VWC2L: variants seen among roughly 807,000 people sequenced by gnomAD.
The protein encoded by VWC2L is von Willebrand factor C domain containing 2 like.
Under a neutral mutation model 21.6 loss-of-function variants are expected in VWC2L, and 10 were observed. That is an observed-to-expected ratio of 0.46 (90% CI 0.29 to 0.78). The LOEUF (loss-of-function observed/expected upper bound fraction) is 0.78, where lower values mean the gene tolerates loss of function less well. VWC2L is among the 30% of genes least tolerant of loss of function. The pLI is 0.10. For missense variants in VWC2L, 209 were observed against 277.1 expected (o/e 0.75, Z 1.74); for synonymous variants, 96 against 94.3 (o/e 1.02, Z -0.10).
At chr2:214,562,426 C>T (rs1322500361) in intron 3 of VWC2L, among the ~76,000 whole-genome samples, 1 of 152,166 alleles carries the variant, frequency 6.6e-6, no homozygotes, top group Non-Finnish European at 1.5e-5. Flanking sequence ...CCTATCTTTG[C>T]TATCGTGAAT....
intron 3 of VWC2L, among the ~76,000 whole-genome samples, chr2:214,503,659 T>C (rs1206690074): frequency 6.6e-6 from 1 of 152,000 alleles, no homozygotes; most frequent in Non-Finnish European, 1.5e-5. Context: ...TCTGCATTTT[T>C]GCTGAGCAAT....
chr2:214,427,968 G>A (rs561313134), intron 2 of VWC2L, among the ~76,000 whole-genome samples: 162 of 152,188 alleles, frequency 1.1e-3, no homozygotes, highest in African/African-American at 3.7e-3. Context: ...TGAAACCCAC[G>A]GATATGAAGG....
Position 214,575,851 on chromosome 2 carries a change from G to T in VWC2L, c.*31G>T, listed in dbSNP as rs750095168. 8 of 1,597,308 alleles carry T rather than the reference G, an allele frequency of 5.0e-6. No homozygotes were observed. Among genetic ancestry groups the T allele is most frequent in the South Asian group, 1.1e-5 (1 of 89,772 alleles). On this transcript the variant is annotated 3_prime_UTR_variant, in exon 4 of 4. Coordinates refer to ENST00000312504, the MANE Select transcript of VWC2L (RefSeq NM_001080500.4). ...ACTTCCACCCAATGATGAGTTCTTA[G>T]GAAAGGATGCTATGGCTTCAACACT... is the stretch of plus-strand genomic sequence containing the variant.
At chr2:214,513,873 C>G (rs1481605920) in intron 3 of VWC2L, among the ~76,000 whole-genome samples, 1 of 152,100 alleles carries the variant, frequency 6.6e-6, no homozygotes, top group African/African-American at 2.4e-5. Context: ...ATGAAGTCTT[C>G]CCTTCAATAT....
intron 3 of VWC2L, among the ~76,000 whole-genome samples, chr2:214,527,112 C>A (rs1239197173): frequency 1.3e-5 from 2 of 152,004 alleles, no homozygotes; most frequent in Non-Finnish European, 2.9e-5. Context: ...ATGAATGCAG[C>A]GAAGGCCATT....
intron 3 of VWC2L, among the ~76,000 whole-genome samples, chr2:214,487,502 A>G (rs894971548): frequency 6.6e-6 from 1 of 152,206 alleles, no homozygotes; most frequent in African/African-American, 2.4e-5. Context: ...GGCATGCCCA[A>G]TGTGCCATGG....
At chr2:214,441,314 T>C (rs1466033923) in intron 3 of VWC2L, among the ~76,000 whole-genome samples, 1 of 151,268 alleles carries the variant, frequency 6.6e-6, no homozygotes, top group East Asian at 1.9e-4. Flanking sequence ...TTAAAATAAA[T>C]AAGAAAGGAA....
At chr2:214,528,777 G>T (rs779898970) in intron 3 of VWC2L, among the ~76,000 whole-genome samples, 10 of 152,102 alleles carry the variant, frequency 6.6e-5, no homozygotes, top group Non-Finnish European at 1.2e-4. Flanking sequence ...CAAAAGAAAG[G>T]AAACTGCAGA....
intron 3 of VWC2L, among the ~76,000 whole-genome samples, chr2:214,527,040 G>A (rs953046465): frequency 5.9e-5 from 9 of 151,984 alleles, no homozygotes; most frequent in Admixed American, 2.0e-4. Context: ...AATATGGCAC[G>A]TATACACCAT....
intron 3 of VWC2L, among the ~76,000 whole-genome samples, chr2:214,542,976 G>A (rs1161494879): frequency 1.3e-5 from 2 of 152,048 alleles, no homozygotes; most frequent in Non-Finnish European, 2.9e-5. Context: ...CAACAACTAT[G>A]AGAACAGTTT....
At position 214,438,878 on chromosome 2, in the gene VWC2L, G is replaced by A. The variant is rs550078909; in HGVS notation, c.520+2120G>A. Among the ~76,000 whole-genome samples, 3 of 152,026 alleles carry A rather than the reference G, an allele frequency of 2.0e-5. No individual in the cohort carries two copies. The South Asian group carries it at 6.2e-4, about 31-fold the overall frequency. ...TGATAAACAGATGCTAAGTACACAA[G>A]GTATGTTAAGTTTTCTGATATTTTT... On this transcript the variant is annotated intron_variant, in intron 3 of 3. Coordinates refer to ENST00000312504, the MANE Select transcript of VWC2L (RefSeq NM_001080500.4).
At chr2:214,538,139 G>A (rs368441151) in intron 3 of VWC2L, among the ~76,000 whole-genome samples, 6 of 151,964 alleles carry the variant, frequency 3.9e-5, no homozygotes, top group East Asian at 1.9e-4. Context: ...TCCTAGTGTC[G>A]GCATGACTGT....
chr2:214,543,847 T>A (rs1342286088), intron 3 of VWC2L, among the ~76,000 whole-genome samples: 1 of 152,156 alleles, frequency 6.6e-6, no homozygotes, highest in Non-Finnish European at 1.5e-5. Context: ...ATCTGCCAAA[T>A]GGCTTCACTT....
chr2:214,536,580 GT>G (rs1214333708), intron 3 of VWC2L, among the ~76,000 whole-genome samples: 1 of 151,940 alleles, frequency 6.6e-6, no homozygotes, highest in African/African-American at 2.4e-5. Flanking sequence ...TATGCTTTTT[GT>G]GGAAAAACAG....
At chr2:214,452,923 T>C (rs1702998201) in intron 3 of VWC2L, among the ~76,000 whole-genome samples, 1 of 152,222 alleles carries the variant, frequency 6.6e-6, no homozygotes, top group African/African-American at 2.4e-5. Flanking sequence ...GCTCATTTTT[T>C]TATTAGCTTG....
intron 3 of VWC2L, among the ~76,000 whole-genome samples, chr2:214,485,265 C>T (rs1053001937): frequency 6.6e-6 from 1 of 151,910 alleles, no homozygotes; most frequent in East Asian, 1.9e-4. Context: ...GTTGCATGTG[C>T]CACTGTATTC....
chr2:214,522,040 G>A (rs1482396087), intron 3 of VWC2L, among the ~76,000 whole-genome samples: 1 of 152,154 alleles, frequency 6.6e-6, no homozygotes, highest in African/African-American at 2.4e-5. Context: ...CATTACGAAA[G>A]TCCAGATAAT....
At chr2:214,464,462 C>G (rs1244446456) in intron 3 of VWC2L, among the ~76,000 whole-genome samples, 1 of 152,070 alleles carries the variant, frequency 6.6e-6, no homozygotes, top group African/African-American at 2.4e-5. Flanking sequence ...CAGGCAGAGT[C>G]TCTTGTTTTC....
At chr2:214,430,049 C>A (rs1015864750) in intron 2 of VWC2L, among the ~76,000 whole-genome samples, 2 of 152,074 alleles carry the variant, frequency 1.3e-5, no homozygotes, top group Non-Finnish European at 2.9e-5. Flanking sequence ...GTCTCAAAAT[C>A]CTGACCTCGT....
Sources: allele counts gnomAD v4.1 joint callset (sites outside exome capture counted in the v4.1 genomes callset), GRCh38; gene constraint gnomAD v4.1.1; transcripts MANE v1.5; gene names NCBI Gene and HGNC (gene_info 2026-07-23, HGNC 2026-07-21).